SNTB1: variants seen among roughly 807,000 people sequenced by gnomAD.
SNTB1 encodes syntrophin beta 1, also known as beta-1-syntrophin.
SNTB1 carries 36 observed loss-of-function variants against 48.9 expected under a neutral mutation model. The ratio of observed to expected loss-of-function variants is 0.74; its 90% confidence interval spans 0.56 to 0.97. The LOEUF (loss-of-function observed/expected upper bound fraction) is 0.97. Among genes scored for constraint, SNTB1 ranks in the 50% least tolerant of loss-of-function variants. The probability of loss-of-function intolerance (pLI) is 0.00; values close to 1 mark genes in which losing one functional copy is unlikely to be tolerated. For missense variants in SNTB1, 786 were observed against 703.4 expected (o/e 1.12, Z -1.33); for synonymous variants, 299 against 294.6 (o/e 1.01, Z -0.15).
chr8:120,732,996 T>C (rs1410220635), intron 1 of SNTB1, among the ~76,000 whole-genome samples: 1 of 152,226 alleles, frequency 6.6e-6, no homozygotes, highest in African/African-American at 2.4e-5. Flanking sequence ...ACCATTTTCA[T>C]TAGAACTGTT....
At position 120,564,564 on chromosome 8, in the gene SNTB1, G is replaced by GTTTTTTTTTT. The variant is rs71306893; in HGVS notation, c.1136+10512_1136+10521dup. ...CCCTGCAATAGATACTATTATTCTG[G>GTTTTTTTTTT]TTTTTTTTTTTTTTTTTTTTTGAGA... On this transcript the variant is annotated intron_variant, in intron 4 of 6. Coordinates refer to ENST00000517992, the MANE Select transcript of SNTB1 (RefSeq NM_021021.4). Among the ~76,000 whole-genome samples the GTTTTTTTTTT allele has an allele frequency of 3.1e-4, 26 of 84,218 alleles. 1 individual carries two copies. The highest frequency in any genetic ancestry group is 4.5e-4 in the Non-Finnish European group (21 of 46,808). 55.3% of individuals were successfully genotyped at this position (84,218 alleles called of 152,430 possible).
chr8:120,612,984 T>C (rs1301211483), intron 3 of SNTB1, among the ~76,000 whole-genome samples: 2 of 152,200 alleles, frequency 1.3e-5, no homozygotes, highest in Non-Finnish European at 2.9e-5. Flanking sequence ...CTGGAGGTCA[T>C]GATGTTAAGC....
intron 2 of SNTB1, among the ~76,000 whole-genome samples, chr8:120,642,554 G>A (rs1328812725): frequency 6.6e-6 from 1 of 152,184 alleles, no homozygotes; most frequent in African/African-American, 2.4e-5. Flanking sequence ...AATACAACAG[G>A]TGGCTTCTGG....
intron 1 of SNTB1, among the ~76,000 whole-genome samples, chr8:120,705,598 T>C (rs571220540): frequency 1.2e-4 from 19 of 152,296 alleles, no homozygotes; most frequent in African/African-American, 4.6e-4. Flanking sequence ...CCCAGTCACA[T>C]TGCAGAAAAT....
chr8:120,811,784 C>T lies in SNTB1; in HGVS notation c.60G>A (p.Ala20=), dbSNP rs905610384. ...AGPAGAGGGR[A]QRSGLLEVLV... The stretch of plus-strand genomic sequence containing the variant: ...AAACTTCCAGCAGCCCGCTCCGCTG[C>T]GCCCGGCCGCCTCCCGCGCCAGCCG... Residue 20 remains alanine, a synonymous_variant, in exon 1 of 7, where the codon GCG becomes GCA. Transcript: ENST00000517992. 1 of 1,462,822 alleles carries T rather than the reference C, an allele frequency of 6.8e-7. No individual in the cohort carries two copies. The allele number at this position is 1,462,822 out of a possible 1,614,324, so 90.6% of individuals were successfully genotyped here. A position where few individuals can be genotyped will look rare whatever the true frequency, so the allele number is the denominator to read the frequency against.
intron 4 of SNTB1, among the ~76,000 whole-genome samples, chr8:120,555,553 C>G (rs1815553056): frequency 6.6e-6 from 1 of 152,196 alleles, no homozygotes; most frequent in Non-Finnish European, 1.5e-5. Context: ...TCCGTAGTTC[C>G]TGCCGGCATT....
rs749546359 is a variant in SNTB1, at chr8:120,536,173, A to G, written c.*2704T>C. Reference sequence around the variant, plus strand: ...TCCTATTGGCCTTCTTTAAATCCCTATGAGATGGCTTAAAAGGATGTCACT... The same window carrying G: ...TCCTATTGGCCTTCTTTAAATCCCTGTGAGATGGCTTAAAAGGATGTCACT... On this transcript the variant is annotated 3_prime_UTR_variant, in exon 7 of 7. Coordinates refer to ENST00000517992, the MANE Select transcript of SNTB1 (RefSeq NM_021021.4). The G allele has an allele frequency of 3.5e-4, 54 of 152,264 alleles. No homozygotes were observed. The highest frequency in any genetic ancestry group is 7.3e-4 in the Non-Finnish European group (50 of 68,048). 9.4% of individuals were successfully genotyped at this position (152,264 alleles called of 1,614,324 possible). A position where few individuals can be genotyped will look rare whatever the true frequency, so the allele number is the denominator to read the frequency against.
chr8:120,552,462 G>C (rs183154843), intron 4 of SNTB1, among the ~76,000 whole-genome samples: 4 of 152,314 alleles, frequency 2.6e-5, no homozygotes, highest in Admixed American at 6.5e-5. Context: ...GGGTTCAAGC[G>C]ATTCTCTGTC....
chr8:120,577,054 T>C (rs1815963411), intron 3 of SNTB1, among the ~76,000 whole-genome samples: 1 of 152,174 alleles, frequency 6.6e-6, no homozygotes, highest in South Asian at 2.1e-4. Flanking sequence ...GGCATCACTA[T>C]GACAAGGCAA....
intron 3 of SNTB1, among the ~76,000 whole-genome samples, chr8:120,595,684 A>C (rs554114631): frequency 1.4e-4 from 21 of 152,026 alleles, no homozygotes; most frequent in African/African-American, 4.1e-4. Flanking sequence ...CATGGGTTCA[A>C]GCAATTCTCC....
intron 1 of SNTB1, among the ~76,000 whole-genome samples, chr8:120,728,738 C>T (rs1818802264): frequency 2.0e-5 from 3 of 152,170 alleles, no homozygotes; most frequent in South Asian, 4.1e-4. Context: ...TCCTGTCCAC[C>T]GTTCATAGGC....
At chr8:120,700,563 T>C (rs1302267927) in intron 1 of SNTB1, among the ~76,000 whole-genome samples, 2 of 152,170 alleles carry the variant, frequency 1.3e-5, no homozygotes, top group Non-Finnish European at 2.9e-5. Flanking sequence ...AAAATTCCAA[T>C]CTTCAGTTGT....
chr8:120,758,946 T>C (rs1329451210), intron 1 of SNTB1, among the ~76,000 whole-genome samples: 1 of 152,148 alleles, frequency 6.6e-6, no homozygotes, highest in Non-Finnish European at 1.5e-5. Flanking sequence ...TATTTATTAT[T>C]ATTTTATAGA....
chr8:120,635,396 A>G (rs1817058136), intron 2 of SNTB1, among the ~76,000 whole-genome samples: 1 of 152,232 alleles, frequency 6.6e-6, no homozygotes, highest in African/African-American at 2.4e-5. Flanking sequence ...TGGCTTTTCA[A>G]GTTATTCTGC....
chr8:120,645,481 C>A (rs1008980224), intron 2 of SNTB1, among the ~76,000 whole-genome samples: 2 of 151,670 alleles, frequency 1.3e-5, no homozygotes, highest in Non-Finnish European at 2.9e-5. Context: ...TGTAGACATG[C>A]GGCATTATTT....
At chr8:120,720,493 C>T (rs1289901145) in intron 1 of SNTB1, among the ~76,000 whole-genome samples, 1 of 152,212 alleles carries the variant, frequency 6.6e-6, no homozygotes, top group Non-Finnish European at 1.5e-5. Context: ...ACTCCCCAGA[C>T]AACTATTGAA....
chr8:120,738,461 T>C (rs550550490), intron 1 of SNTB1, among the ~76,000 whole-genome samples: 1 of 152,210 alleles, frequency 6.6e-6, no homozygotes, highest in African/African-American at 2.4e-5. Flanking sequence ...AGAGTTATTA[T>C]TATCTTCATG....
intron 3 of SNTB1, among the ~76,000 whole-genome samples, chr8:120,597,152 G>T (rs1296440540): frequency 6.6e-6 from 1 of 152,176 alleles, no homozygotes; most frequent in African/African-American, 2.4e-5. Flanking sequence ...TAGAAACAGA[G>T]ACTAGAGTGA....
intron 2 of SNTB1, among the ~76,000 whole-genome samples, chr8:120,679,318 C>T (rs1354015135): frequency 6.6e-6 from 1 of 152,126 alleles, no homozygotes; most frequent in Non-Finnish European, 1.5e-5. Context: ...CTTGGAAATC[C>T]AGTAAGGAAC....
Sources: allele counts gnomAD v4.1 joint callset (sites outside exome capture counted in the v4.1 genomes callset), GRCh38; gene constraint gnomAD v4.1.1; transcripts MANE v1.5; gene names NCBI Gene and HGNC (gene_info 2026-07-23, HGNC 2026-07-21).